The following CDH13 variants were observed in gnomAD, a reference collection of about 807,000 sequenced individuals.
CDH13 encodes cadherin-13.
In CDH13, 24 loss-of-function variants were observed where a neutral mutation model predicts 63.8. The observed-to-expected ratio is 0.38, with a 90% CI of 0.27 to 0.53. The LOEUF (loss-of-function observed/expected upper bound fraction) is 0.53, where lower values mean the gene tolerates loss of function less well. Ranked by LOEUF, CDH13 falls within the 20% of genes least tolerant of loss-of-function variation. CDH13 has a pLI of 0.85. For missense variants in CDH13, 1,049 were observed against 903.1 expected (o/e 1.16, Z -2.07); for synonymous variants, 503 against 355.3 (o/e 1.42, Z -4.67).
intron 5 of CDH13, among the ~76,000 whole-genome samples, chr16:83,341,782 C>T (rs2090727964): frequency 6.6e-6 from 1 of 152,110 alleles, no homozygotes; most frequent in Non-Finnish European, 1.5e-5. Flanking sequence ...GATCTTATAC[C>T]ATTCCCCACT....
chr16:83,255,511 G>T (rs756458), intron 5 of CDH13, among the ~76,000 whole-genome samples: 1 of 152,042 alleles, frequency 6.6e-6, no homozygotes, highest in African/African-American at 2.4e-5. Context: ...ATGATGTCCA[G>T]TAAAGAATGG....
chr16:82,637,391 T>C (rs1019569782), intron 1 of CDH13, among the ~76,000 whole-genome samples: 7 of 149,380 alleles, frequency 4.7e-5, no homozygotes, highest in African/African-American at 1.7e-4. Context: ...CCTAGGTACT[T>C]TATCCTCAGA....
At chr16:83,491,918 G>GT (rs1250811586) in intron 7 of CDH13, among the ~76,000 whole-genome samples, 1 of 152,062 alleles carries the variant, frequency 6.6e-6, no homozygotes, top group Non-Finnish European at 1.5e-5. Context: ...TCTTTCCATG[G>GT]TAAGTGTTAC....
chr16:83,443,810 C>T (rs1370168906), intron 6 of CDH13, among the ~76,000 whole-genome samples: 1 of 140,914 alleles, frequency 7.1e-6, no homozygotes, highest in Non-Finnish European at 1.6e-5. Context: ...TGGCATGTGC[C>T]TGTAGTCCCA....
chr16:82,641,793 A>G (rs933155938), intron 1 of CDH13, among the ~76,000 whole-genome samples: 1 of 152,208 alleles, frequency 6.6e-6, no homozygotes, highest in East Asian at 1.9e-4. Context: ...AGAAATGAGT[A>G]AGACAGGCCA....
chr16:82,946,801 CAT>C, intron 2 of CDH13, among the ~76,000 whole-genome samples: 1 of 152,152 alleles, frequency 6.6e-6, no homozygotes, highest in African/African-American at 2.4e-5. Flanking sequence ...GGTTCACTAA[CAT>C]AAATACATAT....
rs75646530 is a variant in CDH13 at position 83,565,956 on chromosome 16, T to A, written c.961-36498T>A. On this transcript the variant is annotated intron_variant, in intron 7 of 13. Coordinates refer to ENST00000567109, the MANE Select transcript of CDH13 (RefSeq NM_001257.5). ...GATCTTTCTTCTTTCAGCACCCACC[T>A]CTCATGCTATAGCGTTTGCACTCCA... Among the ~76,000 whole-genome samples, 1,146 of 152,260 alleles carry A rather than the reference T, an allele frequency of 7.5e-3. 9 individuals are homozygous for A. The highest frequency in any genetic ancestry group is 0.026 in the African/African-American group (1,087 of 41,546).
chr16:83,094,104 ATTG>A (rs1245840316), intron 3 of CDH13, among the ~76,000 whole-genome samples: 3 of 152,208 alleles, frequency 2.0e-5, no homozygotes, highest in Admixed American at 2.0e-4. Context: ...ATTAATCCTC[ATTG>A]TTGTAACAAA....
At chr16:82,893,474 T>C (rs1259581701) in intron 2 of CDH13, among the ~76,000 whole-genome samples, 3 of 152,242 alleles carry the variant, frequency 2.0e-5, no homozygotes, top group Admixed American at 2.0e-4. Context: ...ACAAGTGTGA[T>C]CAGTTTATTA....
At chr16:83,658,961 A>G (rs1240823436) in intron 8 of CDH13, among the ~76,000 whole-genome samples, 16 of 116,026 alleles carry the variant, frequency 1.4e-4, no homozygotes, top group East Asian at 3.2e-4. Context: ...CAGGTCCCGT[A>G]TCCTCACCAG....
chr16:83,082,717 G>T (rs1437279021), intron 3 of CDH13, among the ~76,000 whole-genome samples: 1 of 152,136 alleles, frequency 6.6e-6, no homozygotes, highest in African/African-American at 2.4e-5. Flanking sequence ...CCTCAAAGAG[G>T]AAATTTCATT....
chr16:83,428,737 C>T (rs535206001), intron 6 of CDH13, among the ~76,000 whole-genome samples: 1 of 152,248 alleles, frequency 6.6e-6, no homozygotes, highest in Admixed American at 6.5e-5. Context: ...TGCCTTTGTT[C>T]CTTTGGGGAA....
intron 5 of CDH13, among the ~76,000 whole-genome samples, chr16:83,338,793 A>G (rs1400415154): frequency 6.6e-6 from 1 of 152,230 alleles, no homozygotes; most frequent in African/African-American, 2.4e-5. Context: ...CTGAAAAAAG[A>G]TGAGTGTAAC....
At chr16:82,719,877 G>C (rs1186787524) in intron 1 of CDH13, among the ~76,000 whole-genome samples, 2 of 142,634 alleles carry the variant, frequency 1.4e-5, no homozygotes, top group Admixed American at 7.0e-5. Context: ...AGGTCTTACT[G>C]TACCATATGT....
chr16:83,767,476 G>A (rs1484475159), intron 11 of CDH13, among the ~76,000 whole-genome samples: 1 of 152,190 alleles, frequency 6.6e-6, no homozygotes, highest in South Asian at 2.1e-4. Flanking sequence ...ATGTGGAACT[G>A]TGAGTCAATT....
chr16:83,370,250 C>T (rs1339842712), intron 6 of CDH13, among the ~76,000 whole-genome samples: 6 of 151,790 alleles, frequency 4.0e-5, no homozygotes, highest in African/African-American at 1.2e-4. Context: ...TAGCCGGGTG[C>T]GGTGGCGGGC....
intron 6 of CDH13, among the ~76,000 whole-genome samples, chr16:83,352,114 G>C (rs762953302): frequency 7.2e-5 from 11 of 152,180 alleles, no homozygotes; most frequent in Non-Finnish European, 1.2e-4. Context: ...ACATGCTGCA[G>C]AGCCCTTGAG....
chr16:83,308,835 G>C (rs1439143470), intron 5 of CDH13, among the ~76,000 whole-genome samples: 4 of 152,232 alleles, frequency 2.6e-5, no homozygotes, highest in African/African-American at 9.7e-5. Flanking sequence ...AGAAGTTGAA[G>C]TTGAAACAGA....
chr16:83,618,503 G>A (rs114580458), intron 8 of CDH13, among the ~76,000 whole-genome samples: 4,924 of 151,964 alleles, frequency 0.032, 125 homozygotes, highest in African/African-American at 0.065. Context: ...TCCTGCTCAA[G>A]GTAGAAAACA....
Sources: allele counts gnomAD v4.1 joint callset (sites outside exome capture counted in the v4.1 genomes callset), GRCh38; gene constraint gnomAD v4.1.1; transcripts MANE v1.5; gene names NCBI Gene and HGNC (gene_info 2026-07-23, HGNC 2026-07-21).